NRG3: variants seen among roughly 807,000 people sequenced by gnomAD.
The protein encoded by NRG3 is neuregulin 3.
Under a neutral mutation model 66.9 loss-of-function variants are expected in NRG3, and 31 were observed. That is an observed-to-expected ratio of 0.46 (90% CI 0.35 to 0.63). NRG3 has a LOEUF of 0.63. Ranked by LOEUF, NRG3 falls within the 20% of genes least tolerant of loss-of-function variation. NRG3 has a pLI of 0.00. For synonymous variants in NRG3, 393 were observed against 359.4 expected (o/e 1.09, Z -1.06); for missense variants, 910 against 878.9 (o/e 1.04, Z -0.45).
At chr10:82,284,908 G>T (rs566062213) in intron 1 of NRG3, among the ~76,000 whole-genome samples, 2 of 151,906 alleles carry the variant, frequency 1.3e-5, no homozygotes, top group Non-Finnish European at 2.9e-5. Flanking sequence ...CCTAATTGGC[G>T]CTTGCTAGTA....
chr10:82,384,984 G>A (rs918722736), intron 2 of NRG3, among the ~76,000 whole-genome samples: 4 of 152,036 alleles, frequency 2.6e-5, no homozygotes, highest in African/African-American at 9.7e-5. Context: ...AGCATCTGTT[G>A]TTTTTGCCTT....
chr10:81,965,154 G>A (rs2059684779), intron 1 of NRG3, among the ~76,000 whole-genome samples: 3 of 152,178 alleles, frequency 2.0e-5, no homozygotes, highest in African/African-American at 4.8e-5. Context: ...GTCCATCCTA[G>A]GCCATACCTA....
chr10:82,714,176 G>C (rs1275595086), intron 2 of NRG3, among the ~76,000 whole-genome samples: 1 of 152,144 alleles, frequency 6.6e-6, no homozygotes, highest in Non-Finnish European at 1.5e-5. Context: ...GCAATATGCT[G>C]TGACTAAATC....
At chr10:82,869,560 C>CT (rs932268665) in intron 4 of NRG3, among the ~76,000 whole-genome samples, 1 of 111,536 alleles carries the variant, frequency 9.0e-6, no homozygotes, top group African/African-American at 3.6e-5. Flanking sequence ...AACCACTGGT[C>CT]TTTTTTATTT....
At chr10:81,896,957 A>G (rs1285252513) in intron 1 of NRG3, among the ~76,000 whole-genome samples, 1 of 152,174 alleles carries the variant, frequency 6.6e-6, no homozygotes, top group African/African-American at 2.4e-5. Context: ...CAGGTATACA[A>G]GTAAGATAAT....
intron 1 of NRG3, among the ~76,000 whole-genome samples, chr10:82,094,570 A>C (rs998945780): frequency 6.6e-6 from 1 of 152,228 alleles, no homozygotes; most frequent in African/African-American, 2.4e-5. Context: ...GAAAAGGAAA[A>C]GTACAGAATC....
At chr10:82,925,937 C>T (rs925442840) in intron 4 of NRG3, among the ~76,000 whole-genome samples, 1 of 152,148 alleles carries the variant, frequency 6.6e-6, no homozygotes, top group East Asian at 1.9e-4. Context: ...GGCTGCCATG[C>T]ATTTTAGGGG....
chr10:82,922,744 G>A (rs4933855), intron 4 of NRG3, among the ~76,000 whole-genome samples: 56,289 of 151,900 alleles, frequency 0.37, 10,811 homozygotes, highest in East Asian at 0.63. Context: ...CAACCAGAGG[G>A]CATGTTACTT....
chr10:82,871,880 TC>T (rs762533740), intron 4 of NRG3, among the ~76,000 whole-genome samples: 11 of 152,114 alleles, frequency 7.2e-5, no homozygotes, highest in Non-Finnish European at 1.6e-4. Context: ...CTCTTCCCTT[TC>T]CAATCTGTGT....
intron 2 of NRG3, among the ~76,000 whole-genome samples, chr10:82,664,898 C>A (rs2052643926): frequency 1.3e-5 from 2 of 152,050 alleles, no homozygotes; most frequent in South Asian, 4.2e-4. Flanking sequence ...ATCACCACAA[C>A]CAGGTCTCTC....
intron 1 of NRG3, among the ~76,000 whole-genome samples, chr10:81,952,950 A>T (rs988956344): frequency 6.6e-6 from 1 of 151,246 alleles, no homozygotes; most frequent in Non-Finnish European, 1.5e-5. Context: ...CTGGCTGGCC[A>T]GGCTAATGCT....
chr10:82,895,361 A>G (rs1843550177), intron 4 of NRG3, among the ~76,000 whole-genome samples: 1 of 152,074 alleles, frequency 6.6e-6, no homozygotes, highest in African/African-American at 2.4e-5. Context: ...AGAAATTTAC[A>G]TTCTTTGTTC....
At chr10:82,944,655 C>A (rs1480952420) in intron 4 of NRG3, among the ~76,000 whole-genome samples, 3 of 152,146 alleles carry the variant, frequency 2.0e-5, no homozygotes, top group African/African-American at 7.2e-5. Flanking sequence ...CACATGATTG[C>A]CCCTCTCGAC....
intron 3 of NRG3, among the ~76,000 whole-genome samples, chr10:82,795,883 C>T (rs1591548979): frequency 2.0e-5 from 3 of 152,032 alleles, no homozygotes; most frequent in South Asian, 4.2e-4. Flanking sequence ...TTGGTCTGGT[C>T]GTTTAGGGCC....
intron 3 of NRG3, among the ~76,000 whole-genome samples, chr10:82,785,154 T>G (rs1238821772): frequency 7.0e-6 from 1 of 143,278 alleles, no homozygotes; most frequent in African/African-American, 2.6e-5. Context: ...AATTGAACAA[T>G]GAGAGCACAT....
chr10:82,145,214 G>T (rs1016584059), intron 1 of NRG3, among the ~76,000 whole-genome samples: 4 of 152,142 alleles, frequency 2.6e-5, no homozygotes, highest in East Asian at 1.9e-4. Context: ...CCAGAGCTCA[G>T]TCAACAAGGA....
intron 2 of NRG3, among the ~76,000 whole-genome samples, chr10:82,631,518 T>G (rs976115452): frequency 6.6e-6 from 1 of 152,016 alleles, no homozygotes; most frequent in Non-Finnish European, 1.5e-5. Flanking sequence ...TGTTTAAAAT[T>G]TGTGCCTACA....
chr10:81,898,927 T>C (rs970741771), intron 1 of NRG3, among the ~76,000 whole-genome samples: 30 of 152,226 alleles, frequency 2.0e-4, no homozygotes, highest in Admixed American at 1.6e-3. Flanking sequence ...ACCAAATTGT[T>C]AAAAGCAGCT....
At chr10:82,402,202 A>G (rs996811653) in intron 2 of NRG3, among the ~76,000 whole-genome samples, 2 of 152,114 alleles carry the variant, frequency 1.3e-5, no homozygotes, top group Non-Finnish European at 2.9e-5. Flanking sequence ...CTGTACATTA[A>G]TTAAGAATAC....
Sources: allele counts gnomAD v4.1 joint callset (sites outside exome capture counted in the v4.1 genomes callset), GRCh38; gene constraint gnomAD v4.1.1; transcripts MANE v1.5; gene names NCBI Gene and HGNC (gene_info 2026-07-23, HGNC 2026-07-21).